Variants in THSD7A observed in about 807,000 individuals in gnomAD.
THSD7A encodes thrombospondin type 1 domain containing 7A, also known as thrombospondin type-1 domain-containing protein 7A.
Under a neutral mutation model 231.3 loss-of-function variants are expected in THSD7A, and 96 were observed. The observed-to-expected ratio is 0.41, with a 90% CI of 0.35 to 0.49. The LOEUF (loss-of-function observed/expected upper bound fraction) is 0.49, where lower values mean the gene tolerates loss of function less well. Among genes scored for constraint, THSD7A ranks in the 20% least tolerant of loss-of-function variants. THSD7A has a pLI of 0.05. For missense variants in THSD7A, 2,290 were observed against 2,070.2 expected, an observed-to-expected ratio of 1.11 and a Z score of -2.06; for synonymous variants, 940 against 743.3, an observed-to-expected ratio of 1.26 and a Z score of -4.30.
chr7:11,451,334 G>T (rs1785136989), intron 11 of THSD7A, among the ~76,000 whole-genome samples: 1 of 151,978 alleles, frequency 6.6e-6, no homozygotes, highest in Non-Finnish European at 1.5e-5. Context: ...TAGTTTGAAA[G>T]AATTGCTAAT....
chr7:11,387,674 T>G (rs1782805915), intron 23 of THSD7A, among the ~76,000 whole-genome samples: 1 of 152,206 alleles, frequency 6.6e-6, no homozygotes, highest in Admixed American at 6.5e-5. Flanking sequence ...CTTGACTTCC[T>G]CTTTTACTAT....
At chr7:11,824,101 T>C (rs1784955754) in intron 1 of THSD7A, among the ~76,000 whole-genome samples, 1 of 152,034 alleles carries the variant, frequency 6.6e-6, no homozygotes, top group African/African-American at 2.4e-5. Flanking sequence ...ATGAAAAAAA[T>C]TAGAAAAGAT....
chr7:11,757,812 T>C (rs1243274793), intron 1 of THSD7A, among the ~76,000 whole-genome samples: 4 of 151,768 alleles, frequency 2.6e-5, no homozygotes, highest in Non-Finnish European at 1.5e-5. Context: ...GAATATTTGA[T>C]AATTATTCTC....
At chr7:11,425,560 GT>G (rs200858811) in intron 15 of THSD7A, among the ~76,000 whole-genome samples, 43 of 150,994 alleles carry the variant, frequency 2.8e-4, no homozygotes, top group African/African-American at 7.5e-4. Context: ...TTGGTTTCAG[GT>G]TTTTTTTTAG....
chr7:11,486,846 T>C (rs897937854), intron 6 of THSD7A, among the ~76,000 whole-genome samples: 2 of 152,312 alleles, frequency 1.3e-5, no homozygotes, highest in South Asian at 4.1e-4. Flanking sequence ...AGAACATTTA[T>C]AAAACAGACT....
chr7:11,399,022 A>G (rs759271782), intron 23 of THSD7A, among the ~76,000 whole-genome samples: 36 of 152,190 alleles, frequency 2.4e-4, no homozygotes, highest in Non-Finnish European at 4.4e-4. Context: ...TACCAGGTCT[A>G]TTACCAAAGT....
chr7:11,636,776 G>C lies in THSD7A; in HGVS notation c.376C>G (p.Leu126Val), dbSNP rs757646206. The C allele has an allele frequency of 6.2e-7, 1 of 1,613,968 alleles. No homozygotes were observed. The highest frequency in any genetic ancestry group is 1.3e-5 in the African/African-American group (1 of 75,048). Residue 126 changes from leucine to valine, a missense_variant, in exon 2 of 28, where the codon CTG becomes GTG. Coordinates refer to ENST00000423059, the MANE Select transcript of THSD7A (RefSeq NM_015204.3). This position sits in a 1 kb window ranked among gnomAD's most constrained non-coding sequence, Gnocchi z 10.0. The stretch of plus-strand genomic sequence containing the variant: ...GGCTGACACTGATTCCAAGGTCCCA[G>C]TCTCCAGTCGTACAACTCTTTGTGC... ...DWHKELYDWR[L>V]GPWNQCQPVI...
chr7:11,689,266 G>T (rs997951892), intron 1 of THSD7A, among the ~76,000 whole-genome samples: 1 of 151,764 alleles, frequency 6.6e-6, no homozygotes, highest in East Asian at 1.9e-4. Context: ...AGCACTTGCC[G>T]GTTCATTGAC....
intron 4 of THSD7A, among the ~76,000 whole-genome samples, chr7:11,565,468 C>G (rs556930207): frequency 1.3e-5 from 2 of 152,212 alleles, no homozygotes; most frequent in South Asian, 4.1e-4. Flanking sequence ...TTGTGCAGGG[C>G]AAGGAACACA....
intron 1 of THSD7A, among the ~76,000 whole-genome samples, chr7:11,664,464 A>G (rs1464249444): frequency 6.6e-6 from 1 of 151,976 alleles, no homozygotes; most frequent in East Asian, 1.9e-4. Context: ...GTATTAGAAT[A>G]AATACATCAC....
intron 15 of THSD7A, 43 bp downstream of exon 15, chr7:11,426,623 A>C (rs1287827389): frequency 6.6e-7 from 1 of 1,523,330 alleles, no homozygotes; most frequent in African/African-American, 1.4e-5. Context: ...AATTTAAGAA[A>C]AGAAGGATTC....
chr7:11,462,291 T>G, intron 9 of THSD7A, 148 bp from the exon 10 acceptor site: 1 of 757,188 alleles, frequency 1.3e-6, no homozygotes, highest in Non-Finnish European at 2.0e-6. Flanking sequence ...ATTCACTAAA[T>G]TCTCCCAAAG....
At chr7:11,750,018 A>AT (rs561367892) in intron 1 of THSD7A, among the ~76,000 whole-genome samples, 2,839 of 140,666 alleles carry the variant, frequency 0.02, 51 homozygotes, top group Admixed American at 0.062. Flanking sequence ...AGTGGCCAGA[A>AT]TTTTTTTTTT....
At chr7:11,751,774 G>A (rs1782509107) in intron 1 of THSD7A, among the ~76,000 whole-genome samples, 1 of 151,894 alleles carries the variant, frequency 6.6e-6, no homozygotes, top group Non-Finnish European at 1.5e-5. Flanking sequence ...AAAACTTTCT[G>A]CTCTTTGGTC....
rs368510727 is a variant in THSD7A at position 11,790,084 on chromosome 7, T to C, written c.190+41673A>G. On this transcript the variant is annotated intron_variant, in intron 1 of 27. Transcript: ENST00000423059. ...TAAATGTTGTGGAGATAAAAAGACA[T>C]ACTTTTTGAGGTTAAAAAAGAACAA... 5.9e-5 allele frequency among the ~76,000 whole-genome samples: 9 copies of C among 152,136 alleles called. No individual in the cohort carries two copies. In the South Asian group the frequency reaches 1.0e-3, roughly 17 times the overall value.
chr7:11,674,212 A>G (rs1282899520), intron 1 of THSD7A, among the ~76,000 whole-genome samples: 5 of 152,022 alleles, frequency 3.3e-5, no homozygotes, highest in African/African-American at 1.2e-4. Context: ...AGTAGGCACC[A>G]CCAAAGCCTG....
intron 1 of THSD7A, among the ~76,000 whole-genome samples, chr7:11,768,152 T>G (rs1783090346): frequency 6.6e-6 from 1 of 152,154 alleles, no homozygotes; most frequent in African/African-American, 2.4e-5. Context: ...GCAGGACTAT[T>G]CAGTATCCTA....
chr7:11,431,267 C>T (rs1474441129), intron 13 of THSD7A, among the ~76,000 whole-genome samples: 2 of 152,082 alleles, frequency 1.3e-5, no homozygotes, highest in African/African-American at 4.8e-5. Flanking sequence ...TCTAGGAATC[C>T]ACTACCAAAG....
At chr7:11,483,504 A>T (rs889754264) in intron 6 of THSD7A, among the ~76,000 whole-genome samples, 1 of 152,100 alleles carries the variant, frequency 6.6e-6, no homozygotes, top group African/African-American at 2.4e-5. Flanking sequence ...TTTTGTTTTT[A>T]TTGGTGTTGG....
Sources: allele counts gnomAD v4.1 joint callset (sites outside exome capture counted in the v4.1 genomes callset), GRCh38; gene constraint gnomAD v4.1.1; non-coding constraint Gnocchi (gnomAD v3.1); transcripts MANE v1.5; gene names NCBI Gene and HGNC (gene_info 2026-07-23, HGNC 2026-07-21).